CSN3: variants seen among roughly 807,000 people sequenced by gnomAD.
CSN3 encodes kappa-casein.
A neutral mutation model predicts 9.9 loss-of-function variants in CSN3; 7 were observed. The observed-to-expected ratio is 0.71, with a 90% CI of 0.40 to 1.33. The LOEUF (loss-of-function observed/expected upper bound fraction) is 1.33, where lower values mean the gene tolerates loss of function less well. Ranked by LOEUF, CSN3 falls within the 40% of genes most tolerant of loss-of-function variation. The probability of loss-of-function intolerance (pLI) is 0.01; values close to 1 mark genes in which losing one functional copy is unlikely to be tolerated. For missense variants in CSN3, 253 were observed against 227.9 expected, an observed-to-expected ratio of 1.11 and a Z score of -0.71; for synonymous variants, 88 against 82.3, an observed-to-expected ratio of 1.07 and a Z score of -0.37.
upstream of CSN3, among the ~76,000 whole-genome samples, chr4:70,239,124 G>T (rs987802813): frequency 6.6e-6 from 1 of 151,808 alleles, no homozygotes; most frequent in Non-Finnish European, 1.5e-5. Context: ...GGTGGTGGAT[G>T]CTGGAAGAAT....
At chr4:70,243,052 T>TA (rs1730304441) in intron 1 of CSN3, 2 of 301,414 alleles carry the variant, frequency 6.6e-6, no homozygotes, top group East Asian at 3.5e-4. Context: ...ATAAAAGTCA[T>TA]AATTTTATTT....
chr4:70,247,762 C>CA (rs1385864610), intron 2 of CSN3, 56 bp from the exon 3 acceptor site: 1 of 1,372,604 alleles, frequency 7.3e-7, no homozygotes, highest in East Asian at 2.4e-5. Context: ...GATTTAAGTA[C>CA]TTTTTTTTTC....
chr4:70,249,292 A>G (rs1730439225), exon 4 of CSN3: 1 of 1,614,142 alleles, frequency 6.2e-7, no homozygotes, highest in South Asian at 1.1e-5. Context: ...AATTCAGGAT[A>G]AAATAATCAT....
chr4:70,243,198 G>A (rs977396317), intron 1 of CSN3: 2 of 970,690 alleles, frequency 2.1e-6, no homozygotes, highest in African/African-American at 1.8e-5. Flanking sequence ...GCAAAGTATG[G>A]TCTTATCTCT....
chr4:70,239,493 C>A (rs371128028), upstream of CSN3, among the ~76,000 whole-genome samples: 2 of 151,872 alleles, frequency 1.3e-5, no homozygotes, highest in South Asian at 4.1e-4. Context: ...ATGTTTAAAT[C>A]TGTATATTTT....
At position 70,244,849 on chromosome 4, in the gene CSN3, C is replaced by T. The variant is rs556310390; in HGVS notation, c.30C>T (p.Ala10=). 5 of 1,567,426 alleles carry T rather than the reference C, an allele frequency of 3.2e-6. No individual in the cohort carries two copies. In the South Asian group the frequency reaches 5.0e-5, roughly 16 times the overall value. The change falls in exon 2 of 5, where the codon GCC becomes GCT. Residue 10 remains alanine, a synonymous_variant. Coordinates refer to ENST00000304954, the Ensembl canonical transcript of CSN3. ...AGAGTTTTCTTCTAGTTGTCAATGCCCTGGCATTAACCCTGCCTTTTTTGG... is the reference window on the plus strand; with the variant it reads ...AGAGTTTTCTTCTAGTTGTCAATGCTCTGGCATTAACCCTGCCTTTTTTGG...
At chr4:70,241,467 T>C (rs578076283), upstream of CSN3, among the ~76,000 whole-genome samples, 7 of 152,092 alleles carry the variant, frequency 4.6e-5, no homozygotes, top group Non-Finnish European at 1.0e-4. Flanking sequence ...TGATATTATT[T>C]CTTGTTTGTG....
At chr4:70,243,723 T>A (rs1031795527) in intron 1 of CSN3, among the ~76,000 whole-genome samples, 2 of 152,176 alleles carry the variant, frequency 1.3e-5, no homozygotes, top group Admixed American at 6.6e-5. Flanking sequence ...TGGGGTATCA[T>A]ATATTATTAG....
chr4:70,250,070 T>C (rs1365189178), intron 4 of CSN3, among the ~76,000 whole-genome samples: 1 of 152,178 alleles, frequency 6.6e-6, no homozygotes, highest in Admixed American at 6.5e-5. Context: ...ATTATAATGC[T>C]TAACTTGAAA....
At chr4:70,249,453 G>T in exon 4 of CSN3, 1 of 1,610,266 alleles carries the variant, frequency 6.2e-7, no homozygotes, top group Non-Finnish European at 8.5e-7. Flanking sequence ...CTCCACCTAC[G>T]GCATAAAAAC....
At chr4:70,250,404 T>C (rs1241671068) in intron 4 of CSN3, among the ~76,000 whole-genome samples, 2 of 152,258 alleles carry the variant, frequency 1.3e-5, no homozygotes, top group East Asian at 3.9e-4. Flanking sequence ...GCTTCTTTCA[T>C]CTGCTTGCCT....
intron 1 of CSN3, 46 bp from the exon 2 acceptor site, chr4:70,244,766 A>G: frequency 2.6e-6 from 3 of 1,170,014 alleles, no homozygotes; most frequent in Non-Finnish European, 3.5e-6. Context: ...CTAAATTTCT[A>G]GTAACAAATT....
upstream of CSN3, among the ~76,000 whole-genome samples, chr4:70,240,055 G>A (rs1258334814): frequency 6.6e-6 from 1 of 151,858 alleles, no homozygotes; most frequent in African/African-American, 2.4e-5. Context: ...TGGTACTAAT[G>A]AAGTGGCTGA....
chr4:70,248,195 T>A (rs1730416487), intron 3 of CSN3, among the ~76,000 whole-genome samples: 1 of 152,172 alleles, frequency 6.6e-6, no homozygotes, highest in Non-Finnish European at 1.5e-5. Flanking sequence ...CAAGGGAAGA[T>A]CCTTTTCTGA....
exon 4 of CSN3, chr4:70,249,182 C>G: frequency 6.2e-7 from 1 of 1,614,056 alleles, no homozygotes; most frequent in Non-Finnish European, 8.5e-7. Flanking sequence ...AGGCCACATG[C>G]CCAAATTCCT....
intron 4 of CSN3, among the ~76,000 whole-genome samples, chr4:70,250,615 T>C (rs1398995570): frequency 3.3e-5 from 5 of 152,132 alleles, no homozygotes; most frequent in Middle Eastern, 3.2e-3. Context: ...CGTACATAAT[T>C]ATGTCTGTTG....
At chr4:70,243,776 C>G (rs1300348986) in intron 1 of CSN3, among the ~76,000 whole-genome samples, 2 of 151,952 alleles carry the variant, frequency 1.3e-5, no homozygotes, top group South Asian at 2.1e-4. Context: ...GCAAGTATGA[C>G]ACTGTATATA....
intron 1 of CSN3, among the ~76,000 whole-genome samples, chr4:70,242,933 G>A (rs1297689599): frequency 1.3e-5 from 2 of 152,066 alleles, no homozygotes; most frequent in South Asian, 2.1e-4. Flanking sequence ...CGAACAAGAA[G>A]GCGTTTAACG....
chr4:70,246,995 C>T (rs1730390783), intron 2 of CSN3, among the ~76,000 whole-genome samples: 1 of 151,988 alleles, frequency 6.6e-6, no homozygotes, highest in Non-Finnish European at 1.5e-5. Flanking sequence ...ACATTTTAAA[C>T]TAATGATTTA....
Sources: allele counts gnomAD v4.1 joint callset (sites outside exome capture counted in the v4.1 genomes callset), GRCh38; gene constraint gnomAD v4.1.1; transcripts MANE v1.5; gene names NCBI Gene and HGNC (gene_info 2026-07-23, HGNC 2026-07-21).